The following PTPRD variants were observed in gnomAD, a reference collection of about 807,000 sequenced individuals.
PTPRD encodes the protein receptor-type tyrosine-protein phosphatase delta.
PTPRD carries 34 observed loss-of-function variants against 214.5 expected under a neutral mutation model. The ratio of observed to expected loss-of-function variants is 0.16; its 90% CI spans 0.12 to 0.21. The LOEUF is 0.21. Among genes scored for constraint, PTPRD ranks in the 10% least tolerant of loss-of-function variants. PTPRD has a pLI of 1.00. For synonymous variants in PTPRD, 1,128 were observed against 845.7 expected (o/e 1.33, Z -5.79); for missense variants, 2,545 against 2,398.7 (o/e 1.06, Z -1.27).
At position 10,598,370 on chromosome 9, in the gene PTPRD, C is replaced by T. The variant is rs140341734; in HGVS notation, c.-600+14028G>A. Among the ~76,000 whole-genome samples the T allele has an allele frequency of 2.6e-5, 4 of 151,824 alleles. No homozygotes were observed. The East Asian group carries it at 7.8e-4, about 30-fold the overall frequency. ...CTGCTCATGATTTCTGCTTGGAACT[C>T]ACCAATACAGCAAATGCAGATACAG... On this transcript the variant is annotated intron_variant, in intron 2 of 45. Coordinates refer to ENST00000381196, the MANE Select transcript of PTPRD (RefSeq NM_002839.4).
At chr9:9,516,888 A>C (rs1288078067) in intron 8 of PTPRD, among the ~76,000 whole-genome samples, 1 of 152,102 alleles carries the variant, frequency 6.6e-6, no homozygotes, top group Non-Finnish European at 1.5e-5. Context: ...CTACACTAAA[A>C]ATTAAACATA....
intron 39 of PTPRD, among the ~76,000 whole-genome samples, chr9:8,346,197 T>C (rs1857441290): frequency 9.5e-6 from 1 of 105,774 alleles, no homozygotes; most frequent in Non-Finnish European, 2.6e-5. Flanking sequence ...TATAAATTGT[T>C]ATGTATTCAA....
At chr9:9,780,836 G>C (rs2098837361) in intron 5 of PTPRD, among the ~76,000 whole-genome samples, 1 of 152,136 alleles carries the variant, frequency 6.6e-6, no homozygotes, top group Non-Finnish European at 1.5e-5. Context: ...CCACATAGTG[G>C]AATACTATTC....
intron 7 of PTPRD, among the ~76,000 whole-genome samples, chr9:9,701,042 A>T (rs917081611): frequency 4.0e-5 from 6 of 151,048 alleles, no homozygotes; most frequent in African/African-American, 1.2e-4. Context: ...CTGAGATTAA[A>T]AAAAAAAAAA....
At chr9:9,106,538 A>C (rs993205011) in intron 10 of PTPRD, among the ~76,000 whole-genome samples, 12 of 146,836 alleles carry the variant, frequency 8.2e-5, no homozygotes, top group African/African-American at 3.0e-4. Flanking sequence ...ATACCACCAT[A>C]CTACAGAGAA....
intron 11 of PTPRD, among the ~76,000 whole-genome samples, chr9:8,955,442 T>C (rs2099126056): frequency 6.6e-6 from 1 of 151,662 alleles, no homozygotes; most frequent in South Asian, 2.1e-4. Context: ...CAATAATTGG[T>C]AAAGGACAGG....
intron 5 of PTPRD, among the ~76,000 whole-genome samples, chr9:9,909,155 T>C (rs1434404490): frequency 1.3e-5 from 2 of 151,918 alleles, no homozygotes; most frequent in African/African-American, 4.8e-5. Context: ...CTGATATACA[T>C]ATTTTGTTCA....
At chr9:10,201,510 C>T (rs2154334151) in intron 3 of PTPRD, among the ~76,000 whole-genome samples, 1 of 152,052 alleles carries the variant, frequency 6.6e-6, no homozygotes, top group African/African-American at 2.4e-5. Context: ...GCTATGTATG[C>T]ATAGGAGTAT....
chr9:8,570,757 T>G (rs1028121833), intron 14 of PTPRD, among the ~76,000 whole-genome samples: 1 of 152,148 alleles, frequency 6.6e-6, no homozygotes, highest in African/African-American at 2.4e-5. Flanking sequence ...TTTTAAGCTG[T>G]ATCATTCATA....
Position 9,667,272 on chromosome 9 carries a change from C to A in PTPRD, c.-287+67261G>T, listed in dbSNP as rs192649315. 2.5e-3 allele frequency among the ~76,000 whole-genome samples: 382 copies of A among 152,166 alleles called. 2 individuals carry two copies. Among genetic ancestry groups the A allele is most frequent in the African/African-American group, 8.7e-3 (360 of 41,536 alleles). On this transcript the variant is annotated intron_variant, in intron 7 of 45. Transcript: ENST00000381196. ...GCTCCAAATATTACCATACCTTGCT[C>A]AAATTCTATTATTTCCCCAAGCCTT...
intron 2 of PTPRD, among the ~76,000 whole-genome samples, chr9:10,506,657 T>C (rs1170566723): frequency 2.0e-5 from 3 of 152,136 alleles, no homozygotes; most frequent in African/African-American, 7.2e-5. Flanking sequence ...CTCCAAGATC[T>C]AATCCAGACT....
At chr9:8,357,905 C>A (rs186504048) in intron 39 of PTPRD, among the ~76,000 whole-genome samples, 2 of 152,262 alleles carry the variant, frequency 1.3e-5, no homozygotes, top group East Asian at 3.9e-4. Flanking sequence ...TCCACAAAAT[C>A]TGGTCAATAG....
chr9:9,606,664 C>T (rs1326258888), intron 7 of PTPRD, among the ~76,000 whole-genome samples: 3 of 151,810 alleles, frequency 2.0e-5, no homozygotes, highest in African/African-American at 7.3e-5. Context: ...AAAGGACAGA[C>T]CCTTTATTAT....
At chr9:9,152,696 G>T (rs1284062045) in intron 10 of PTPRD, among the ~76,000 whole-genome samples, 2 of 152,174 alleles carry the variant, frequency 1.3e-5, no homozygotes, top group Non-Finnish European at 1.5e-5. Context: ...AAAAGAGGCT[G>T]ATCTCATTTG....
rs150526959 is a variant in PTPRD at position 8,937,352 on chromosome 9, A to T, written c.-104+81345T>A. Among the ~76,000 whole-genome samples, 1,184 of 152,320 alleles carry T rather than the reference A, an allele frequency of 7.8e-3. 14 individuals are homozygous for T. The highest frequency in any genetic ancestry group is 0.027 in the African/African-American group (1,120 of 41,570). On this transcript the variant is annotated intron_variant, in intron 11 of 45. Transcript: ENST00000381196. ...TTCACATCAGATTCCCTTTCTTATAAAGCCACATTTTCAGAATCACAGTTG... is the reference window on the plus strand; with the variant it reads ...TTCACATCAGATTCCCTTTCTTATATAGCCACATTTTCAGAATCACAGTTG...
intron 12 of PTPRD, among the ~76,000 whole-genome samples, chr9:8,725,490 A>C (rs2098547448): frequency 6.6e-6 from 1 of 152,222 alleles, no homozygotes; most frequent in Non-Finnish European, 1.5e-5. Flanking sequence ...AATGTATATA[A>C]ATATACATAT....
chr9:9,587,247 G>A (rs1446917571), intron 7 of PTPRD, among the ~76,000 whole-genome samples: 2 of 151,914 alleles, frequency 1.3e-5, no homozygotes, highest in Admixed American at 1.3e-4. Flanking sequence ...TAATATATAA[G>A]AGATAATAGT....
intron 11 of PTPRD, among the ~76,000 whole-genome samples, chr9:8,762,512 A>G (rs1185650618): frequency 2.0e-5 from 3 of 152,192 alleles, no homozygotes; most frequent in Non-Finnish European, 4.4e-5. Context: ...ATAATAAAAT[A>G]AATAATTTGT....
At chr9:9,385,287 C>T (rs946596322) in intron 9 of PTPRD, among the ~76,000 whole-genome samples, 2 of 152,206 alleles carry the variant, frequency 1.3e-5, no homozygotes, top group East Asian at 3.9e-4. Flanking sequence ...ATTTATTTGC[C>T]ACAGTTTTCC....
Sources: gnomAD v4.1 joint callset for allele counts (sites outside exome capture counted in the v4.1 genomes callset) on GRCh38, gnomAD v4.1.1 for gene constraint, MANE v1.5 for transcripts, NCBI Gene and HGNC (gene_info 2026-07-23, HGNC 2026-07-21) for gene names.